Variants in NXPH2 observed in about 807,000 individuals in gnomAD.
NXPH2 encodes neurexophilin-2.
Under a neutral mutation model 19.8 loss-of-function variants are expected in NXPH2, and 5 were observed. That is an observed-to-expected ratio of 0.25 (90% CI 0.13 to 0.53). NXPH2 has a LOEUF of 0.53. NXPH2 is among the 20% of genes least tolerant of loss of function. The pLI is 0.96. For synonymous variants in NXPH2, 154 were observed against 127.4 expected (o/e 1.21, Z -1.41); for missense variants, 289 against 322.8 (o/e 0.90, Z 0.80).
intron 1 of NXPH2, among the ~76,000 whole-genome samples, chr2:138,716,741 G>A (rs575005451): frequency 9.2e-5 from 14 of 152,252 alleles, no homozygotes; most frequent in East Asian, 3.9e-4. Flanking sequence ...AGTGAAAAGC[G>A]GCATGACACA....
intron 1 of NXPH2, among the ~76,000 whole-genome samples, chr2:138,708,475 T>C (rs1681051114): frequency 6.6e-6 from 1 of 152,246 alleles, no homozygotes; most frequent in South Asian, 2.1e-4. Flanking sequence ...AATATGCAAA[T>C]TAATGCTGCA....
At chr2:138,718,891 G>C (rs1681233920) in intron 1 of NXPH2, among the ~76,000 whole-genome samples, 1 of 152,098 alleles carries the variant, frequency 6.6e-6, no homozygotes, top group Non-Finnish European at 1.5e-5. Flanking sequence ...AAGTACAGGA[G>C]ACGGGAGACA....
intron 1 of NXPH2, among the ~76,000 whole-genome samples, chr2:138,706,986 G>A (rs1681026027): frequency 6.6e-6 from 1 of 150,732 alleles, no homozygotes; most frequent in African/African-American, 2.4e-5. Flanking sequence ...AAAAATTGCT[G>A]TTCAATAAAT....
intron 1 of NXPH2, 139 bp downstream of exon 1, chr2:138,780,052 C>G: frequency 1.2e-6 from 1 of 805,944 alleles, no homozygotes; most frequent in Non-Finnish European, 1.8e-6. Context: ...TAAGGCAACC[C>G]AAAACTCCTT....
intron 1 of NXPH2, among the ~76,000 whole-genome samples, chr2:138,749,322 T>C (rs4341880): frequency 0.27 from 40,821 of 152,112 alleles, 6,357 homozygotes; most frequent in Non-Finnish European, 0.35. Flanking sequence ...CAATTAAACC[T>C]CTTTCCTTGT....
chr2:138,738,474 A>G (rs1031573721), intron 1 of NXPH2, among the ~76,000 whole-genome samples: 7 of 152,186 alleles, frequency 4.6e-5, no homozygotes, highest in Non-Finnish European at 7.3e-5. Flanking sequence ...AGATATATCT[A>G]TTACATCAAT....
chr2:138,690,707 T>C lies in NXPH2; in HGVS notation c.52-19042A>G, dbSNP rs72986883. Reference sequence around the variant, plus strand: ...TACTTACAGTGTCCTGTAACATCCATTTCACACATACTTGGGGGACACCCC... The same window carrying C: ...TACTTACAGTGTCCTGTAACATCCACTTCACACATACTTGGGGGACACCCC... On this transcript the variant is annotated intron_variant, in intron 1 of 1. Coordinates refer to ENST00000272641, the MANE Select transcript of NXPH2 (RefSeq NM_007226.3). 8.0e-3 allele frequency among the ~76,000 whole-genome samples: 1,181 copies of C among 147,214 alleles called. 18 individuals are homozygous for C. The highest frequency in any genetic ancestry group is 0.027 in the African/African-American group (1,135 of 41,458).
At chr2:138,688,356 T>C (rs1680693505) in intron 1 of NXPH2, among the ~76,000 whole-genome samples, 1 of 152,116 alleles carries the variant, frequency 6.6e-6, no homozygotes. Context: ...ACTTTTTGTA[T>C]TTTTTAGTAG....
At chr2:138,742,997 T>C (rs563546476) in intron 1 of NXPH2, among the ~76,000 whole-genome samples, 2 of 152,356 alleles carry the variant, frequency 1.3e-5, no homozygotes, top group South Asian at 4.1e-4. Flanking sequence ...TGTATTAGTA[T>C]AATTTAGTGA....
chr2:138,692,827 C>T (rs1680764430), intron 1 of NXPH2, among the ~76,000 whole-genome samples: 2 of 152,106 alleles, frequency 1.3e-5, no homozygotes, highest in East Asian at 3.8e-4. Context: ...TAGAAGAGGC[C>T]TGGCTGTTCT....
intron 1 of NXPH2, among the ~76,000 whole-genome samples, chr2:138,675,920 G>A (rs1001536853): frequency 1.3e-5 from 2 of 151,532 alleles, no homozygotes; most frequent in Non-Finnish European, 2.9e-5. Context: ...GCATTCACTG[G>A]CAGTACCTTA....
At chr2:138,676,512 C>T (rs2104966142) in intron 1 of NXPH2, among the ~76,000 whole-genome samples, 1 of 152,292 alleles carries the variant, frequency 6.6e-6, no homozygotes, top group Non-Finnish European at 1.5e-5. Flanking sequence ...GGGAAGCAGC[C>T]TGATATGATG....
chr2:138,675,506 CAATAAT>C (rs754097572), intron 1 of NXPH2, among the ~76,000 whole-genome samples: 1 of 151,586 alleles, frequency 6.6e-6, no homozygotes, highest in Non-Finnish European at 1.5e-5. Context: ...TGAGATTACT[CAATAAT>C]AATAATAATA....
At chr2:138,751,472 A>G (rs1353558544) in intron 1 of NXPH2, among the ~76,000 whole-genome samples, 1 of 152,094 alleles carries the variant, frequency 6.6e-6, no homozygotes, top group African/African-American at 2.4e-5. Flanking sequence ...TGTTTGTCAG[A>G]TTTTATGAGA....
At chr2:138,754,603 G>A (rs985445347) in intron 1 of NXPH2, among the ~76,000 whole-genome samples, 1 of 152,156 alleles carries the variant, frequency 6.6e-6, no homozygotes, top group Admixed American at 6.6e-5. Flanking sequence ...AGCACAGCTT[G>A]TGTGCTTCCA....
chr2:138,773,450 T>C (rs1466127687), intron 1 of NXPH2, among the ~76,000 whole-genome samples: 2 of 152,088 alleles, frequency 1.3e-5, no homozygotes, highest in Non-Finnish European at 2.9e-5. Flanking sequence ...ATTGTATGCA[T>C]TATCCATTGA....
intron 1 of NXPH2, among the ~76,000 whole-genome samples, chr2:138,691,626 C>G (rs943857545): frequency 6.6e-6 from 1 of 152,154 alleles, no homozygotes; most frequent in Non-Finnish European, 1.5e-5. Context: ...TTATACTTTT[C>G]TGGTACATGC....
At chr2:138,719,746 A>T (rs1681247792) in intron 1 of NXPH2, among the ~76,000 whole-genome samples, 1 of 152,162 alleles carries the variant, frequency 6.6e-6, no homozygotes, top group Non-Finnish European at 1.5e-5. Flanking sequence ...TAAATATATT[A>T]TTAAAATTAG....
intron 1 of NXPH2, among the ~76,000 whole-genome samples, chr2:138,758,477 T>C (rs970702720): frequency 2.9e-4 from 44 of 152,196 alleles, no homozygotes; most frequent in African/African-American, 1.0e-3. Context: ...ATCTAACTAA[T>C]GGACAGGAAG....
Sources: gnomAD v4.1 joint callset for allele counts (sites outside exome capture counted in the v4.1 genomes callset) on GRCh38, gnomAD v4.1.1 for gene constraint, MANE v1.5 for transcripts, NCBI Gene and HGNC (gene_info 2026-07-23, HGNC 2026-07-21) for gene names.